Variants in ARHGAP44 observed in about 807,000 individuals in gnomAD.
The protein encoded by ARHGAP44 is rho GTPase-activating protein 44.
In ARHGAP44, 43 loss-of-function variants were observed where a neutral mutation model predicts 106.8. The ratio of observed to expected loss-of-function variants is 0.40; its 90% confidence interval spans 0.32 to 0.52. The LOEUF is 0.52. ARHGAP44 is among the 20% of genes least tolerant of loss of function. The probability of loss-of-function intolerance (pLI) is 0.48; values close to 1 mark genes in which losing one functional copy is unlikely to be tolerated. For missense variants in ARHGAP44, 866 were observed against 1,050.5 expected (o/e 0.82, Z 2.43); for synonymous variants, 439 against 410.3 (o/e 1.07, Z -0.85).
chr17:12,861,254 G>C (rs1359291005), intron 1 of ARHGAP44, among the ~76,000 whole-genome samples: 1 of 151,764 alleles, frequency 6.6e-6, no homozygotes, highest in Non-Finnish European at 1.5e-5. Flanking sequence ...CCTCCCAAAG[G>C]GGTGGGGTTA....
intron 5 of ARHGAP44, among the ~76,000 whole-genome samples, chr17:12,919,506 C>G (rs1444458751): frequency 6.6e-6 from 1 of 151,472 alleles, no homozygotes; most frequent in Non-Finnish European, 1.5e-5. Flanking sequence ...CTGCCTCAGA[C>G]TCCCGAGTAA....
At chr17:12,959,707 T>C (rs1384889474) in intron 16 of ARHGAP44, among the ~76,000 whole-genome samples, 1 of 152,174 alleles carries the variant, frequency 6.6e-6, no homozygotes, top group African/African-American at 2.4e-5. Context: ...ATCGTCTTGG[T>C]TGGTCAGGCA....
At position 12,910,593 on chromosome 17, in the gene ARHGAP44, G is replaced by A. The variant is rs185023813; in HGVS notation, c.275+1620G>A. On this transcript the variant is annotated intron_variant, in intron 4 of 20. Coordinates refer to ENST00000379672, the MANE Select transcript of ARHGAP44 (RefSeq NM_014859.6). ...CCCGAGTAGCTGGGATTATAGGCGGGTGCCACCACGCCGGGCTAATTTTTG... is the reference window on the plus strand; with the variant it reads ...CCCGAGTAGCTGGGATTATAGGCGGATGCCACCACGCCGGGCTAATTTTTG... Among the ~76,000 whole-genome samples the A allele has an allele frequency of 1.1e-3, 174 of 151,786 alleles. 2 individuals carry two copies. The highest frequency in any genetic ancestry group is 4.1e-3 in the African/African-American group (168 of 41,432).
chr17:12,821,199 T>A (rs763190083), intron 1 of ARHGAP44, among the ~76,000 whole-genome samples: 10 of 152,136 alleles, frequency 6.6e-5, no homozygotes, highest in Non-Finnish European at 1.5e-4. Context: ...GTTGTGCAAC[T>A]CAGCAAGGAT....
intron 12 of ARHGAP44, 121 bp from the exon 13 acceptor site, chr17:12,952,380 C>A: frequency 3.8e-6 from 3 of 786,272 alleles, no homozygotes; most frequent in South Asian, 1.7e-5. Context: ...TAAATACTAG[C>A]TTGCTGATAT....
chr17:12,892,302 T>C (rs1268479119), intron 1 of ARHGAP44, among the ~76,000 whole-genome samples: 1 of 152,100 alleles, frequency 6.6e-6, no homozygotes, highest in African/African-American at 2.4e-5. Context: ...TCTTGAGAAA[T>C]CTGCTGTCAT....
chr17:12,891,138 C>T (rs1231524787), intron 1 of ARHGAP44, among the ~76,000 whole-genome samples: 1 of 152,166 alleles, frequency 6.6e-6, no homozygotes, highest in Non-Finnish European at 1.5e-5. Flanking sequence ...GAGCCCTCAC[C>T]AGAATCACCT....
intron 1 of ARHGAP44, among the ~76,000 whole-genome samples, chr17:12,806,814 T>C (rs982705669): frequency 3.3e-5 from 5 of 151,344 alleles, no homozygotes; most frequent in Admixed American, 1.3e-4. Flanking sequence ...TTCATGACTT[T>C]ATTTGAGCAT....
At chr17:12,975,776 T>C (rs56873939) in intron 18 of ARHGAP44, among the ~76,000 whole-genome samples, 2,688 of 118,370 alleles carry the variant, frequency 0.023, 86 homozygotes, top group African/African-American at 0.084. Flanking sequence ...CCAGCCTGGG[T>C]GACAGCGTGA....
Position 12,990,031 on chromosome 17 carries a change from G to C in ARHGAP44, c.2318-1G>C. The C allele has an allele frequency of 6.3e-7, 1 of 1,599,698 alleles. No homozygotes were observed. The highest frequency in any genetic ancestry group is 8.6e-7 in the Non-Finnish European group (1 of 1,167,844). ...CCACCTCTCTCTCTGCCGCCTTCCA[G>C]ATCTTGTCCACTTTGATATTCCCTC... is the stretch of plus-strand genomic sequence containing the variant. On this transcript the variant is annotated splice_acceptor_variant, in intron 20 of 20. Transcript: ENST00000379672. LOFTEE classifies it high-confidence loss of function.
intron 1 of ARHGAP44, among the ~76,000 whole-genome samples, chr17:12,864,728 G>T (rs1045100822): frequency 6.6e-6 from 1 of 152,138 alleles, no homozygotes; most frequent in Non-Finnish European, 1.5e-5. Context: ...TAAGGAGAGA[G>T]AAGAGTACTT....
chr17:12,938,029 C>T (rs1022677700), intron 7 of ARHGAP44, among the ~76,000 whole-genome samples: 3 of 151,868 alleles, frequency 2.0e-5, no homozygotes, highest in East Asian at 3.9e-4. Context: ...ACCTGGAAGG[C>T]GGAGGTTGCA....
At chr17:12,918,476 A>G (rs997287245) in intron 5 of ARHGAP44, among the ~76,000 whole-genome samples, 1 of 152,152 alleles carries the variant, frequency 6.6e-6, no homozygotes, top group Non-Finnish European at 1.5e-5. Flanking sequence ...AAAATCCTGC[A>G]CTGGGATGTT....
At chr17:12,904,386 G>A (rs192684293) in intron 3 of ARHGAP44, among the ~76,000 whole-genome samples, 59 of 152,264 alleles carry the variant, frequency 3.9e-4, no homozygotes, top group African/African-American at 1.2e-3. Context: ...GATTACAGGC[G>A]TGAGCCACGG....
At chr17:12,976,554 A>C (rs1019900617) in intron 18 of ARHGAP44, among the ~76,000 whole-genome samples, 2 of 146,810 alleles carry the variant, frequency 1.4e-5, no homozygotes, top group Non-Finnish European at 3.0e-5. Context: ...CGGAGGTTGC[A>C]GTGAGCCGAG....
At chr17:12,799,712 C>T (rs1210645373) in intron 1 of ARHGAP44, among the ~76,000 whole-genome samples, 1 of 152,204 alleles carries the variant, frequency 6.6e-6, no homozygotes, top group East Asian at 1.9e-4. Context: ...TCACTGCAAA[C>T]TCTGCCTCCC....
At chr17:12,802,133 C>G (rs2034111736) in intron 1 of ARHGAP44, among the ~76,000 whole-genome samples, 1 of 152,106 alleles carries the variant, frequency 6.6e-6, no homozygotes, top group Non-Finnish European at 1.5e-5. Context: ...TGCTAATAGC[C>G]TTTTAGGCCA....
In ARHGAP44 at chr17:12,828,491, A is replaced by G. The variant is rs190065371; in HGVS notation, c.53+38600A>G. Among the ~76,000 whole-genome samples the G allele has an allele frequency of 4.6e-5, 7 of 152,156 alleles. No individual in the cohort carries two copies. In the East Asian group the frequency reaches 7.7e-4, roughly 17 times the overall value. On this transcript the variant is annotated intron_variant, in intron 1 of 20. Coordinates refer to ENST00000379672, the MANE Select transcript of ARHGAP44 (RefSeq NM_014859.6). ...ATCATGTAGGTTTTCTTTTTTATAT[A>G]TACATGAAGTAAATGAAATTGATAG...
At chr17:12,816,429 TTAGGG>T (rs2034599484) in intron 1 of ARHGAP44, among the ~76,000 whole-genome samples, 1 of 152,116 alleles carries the variant, frequency 6.6e-6, no homozygotes, top group South Asian at 2.1e-4. Flanking sequence ...AGGAATTATA[TTAGGG>T]TAGGGAAAGT....
Sources: gnomAD v4.1 joint callset for allele counts (sites outside exome capture counted in the v4.1 genomes callset) on GRCh38, gnomAD v4.1.1 for gene constraint, MANE v1.5 for transcripts, NCBI Gene and HGNC (gene_info 2026-07-23, HGNC 2026-07-21) for gene names.